The following BTBD3 variants were observed in gnomAD, a reference collection of about 807,000 sequenced individuals.
BTBD3 encodes the protein BTB domain containing 3, also known as BTB/POZ domain-containing protein 3.
Under a neutral mutation model 41.6 loss-of-function variants are expected in BTBD3, and 14 were observed. That is an observed-to-expected ratio of 0.34 (90% CI 0.22 to 0.53). The LOEUF is 0.53. Among genes scored for constraint, BTBD3 ranks in the 20% least tolerant of loss-of-function variants. BTBD3 has a pLI of 0.95. For missense variants in BTBD3, 426 were observed against 654.7 expected (o/e 0.65, Z 3.81); for synonymous variants, 249 against 233.7 (o/e 1.07, Z -0.60).
Position 11,923,662 on chromosome 20 carries a change from C to T in BTBD3, c.1565C>T (p.Ala522Val). 1 of 1,586,814 alleles carries T rather than the reference C, an allele frequency of 6.3e-7. No homozygotes were observed. Among genetic ancestry groups the T allele is most frequent in the African/African-American group, 1.3e-5 (1 of 74,546 alleles). Reference protein sequence around the residue: ...GGQIPELIFYA With the variant: ...GGQIPELIFYV ...CAGATCCCTGAACTTATATTCTATGCTTGAAAACTCACTTCCTGAAGCAGC... is the reference window on the plus strand; with the variant it reads ...CAGATCCCTGAACTTATATTCTATGTTTGAAAACTCACTTCCTGAAGCAGC... The change falls in exon 4 of 4, where the codon GCT becomes GTT. Residue 522 changes from alanine (A) to valine (V), a missense_variant. Ala to Val is a moderately conservative substitution (Grantham distance 64). Transcript: ENST00000378226. This position sits in a 1 kb window ranked among gnomAD's most constrained non-coding sequence, Gnocchi z 5.3.
Position 11,923,956 on chromosome 20 carries a change from C to G in BTBD3, c.*290C>G, listed in dbSNP as rs1370262587. 3 of 295,736 alleles carry G rather than the reference C, an allele frequency of 1.0e-5. No homozygotes were observed. Among genetic ancestry groups the G allele is most frequent in the Non-Finnish European group, 1.9e-5 (3 of 160,040 alleles). The allele number at this position is 295,736 out of a possible 1,614,324, so 18.3% of individuals were successfully genotyped here. A position where few individuals can be genotyped will look rare whatever the true frequency, so the allele number is the denominator to read the frequency against. On this transcript the variant is annotated 3_prime_UTR_variant, in exon 4 of 4. Transcript: ENST00000378226. This position sits in a 1 kb window ranked among gnomAD's most constrained non-coding sequence, Gnocchi z 5.3. ...TGTGCTTTCCCAAGCGTTCCACCACCCTCTCAGTTTTGTCCCTCTGAAGAT... is the reference window on the plus strand; with the variant it reads ...TGTGCTTTCCCAAGCGTTCCACCACGCTCTCAGTTTTGTCCCTCTGAAGAT...
At chr20:11,922,142 A>G (rs1425509913) in intron 3 of BTBD3, among the ~76,000 whole-genome samples, 1 of 152,228 alleles carries the variant, frequency 6.6e-6, no homozygotes, top group Non-Finnish European at 1.5e-5. Context: ...CATACTTTTG[A>G]TAATCCATTG....
chr20:11,916,407 A>T (rs1321593052), upstream of BTBD3, among the ~76,000 whole-genome samples: 1 of 152,164 alleles, frequency 6.6e-6, no homozygotes, highest in Non-Finnish European at 1.5e-5. Flanking sequence ...GATGATTTGG[A>T]GGTATCTGTA....
chr20:11,923,321 T>C lies in BTBD3; in HGVS notation c.1224T>C (p.Ala408=). ...CAGTTGATAAAAGAGTGTTCATTGCTGGCTTTGGGCTGTATGGCTCCAGCT... is the reference window on the plus strand; with the variant it reads ...CAGTTGATAAAAGAGTGTTCATTGCCGGCTTTGGGCTGTATGGCTCCAGCT... ...QFAVDKRVFI[A]GFGLYGSSCG... Residue 408 remains alanine, a synonymous_variant, in exon 4 of 4, where the codon GCT becomes GCC. Coordinates refer to ENST00000378226, the MANE Select transcript of BTBD3 (RefSeq NM_014962.4). The surrounding 1 kb of genome is among the most constrained non-coding windows in gnomAD (Gnocchi z 5.3). 6.2e-7 allele frequency: 1 copy of C among 1,614,236 alleles called. No homozygotes were observed. The highest frequency in any genetic ancestry group is 8.5e-7 in the Non-Finnish European group (1 of 1,180,042).
chr20:11,896,150 A>C (rs893157906), intron 1 of BTBD3, among the ~76,000 whole-genome samples: 1 of 152,178 alleles, frequency 6.6e-6, no homozygotes, highest in Non-Finnish European at 1.5e-5. Flanking sequence ...ATCTGTAATC[A>C]GTGTTTCTTT....
chr20:11,912,659 C>T (rs2056896376), intron 1 of BTBD3, among the ~76,000 whole-genome samples: 1 of 152,184 alleles, frequency 6.6e-6, no homozygotes, highest in African/African-American at 2.4e-5. Context: ...GGCACAATTG[C>T]TGCTAATGGT....
At chr20:11,891,091 A>T in intron 1 of BTBD3, 1 of 600,930 alleles carries the variant, frequency 1.7e-6, no homozygotes, top group Non-Finnish European at 2.1e-6. Context: ...TGGTGGCCGC[A>T]GGTCGGCCTC....
chr20:11,918,567 A>G lies in BTBD3; in HGVS notation c.292A>G (p.Asn98Asp), dbSNP rs1274882059. 4.3e-6 allele frequency: 7 copies of G among 1,612,260 alleles called. No individual in the cohort carries two copies. Among genetic ancestry groups the G allele is most frequent in the Non-Finnish European group, 5.9e-6 (7 of 1,179,358 alleles). ...LSNNNLIPAPNWQGLYPTIRE... is the reference protein window; with the variant it reads ...LSNNNLIPAPDWQGLYPTIRE... ...TAACAACAACCTTATCCCGGCCCCA[A>G]ACTGGCAGGGTCTTTATCCCACCAT... Residue 98 changes from asparagine (N) to aspartate (D), a missense_variant, in exon 1 of 4, where the codon AAC (asparagine) becomes GAC (aspartate). Physicochemically the swap from Asn to Asp is conservative, Grantham distance 23. Coordinates refer to ENST00000378226, the MANE Select transcript of BTBD3 (RefSeq NM_014962.4).
At chr20:11,919,435 C>T (rs933762791) in intron 2 of BTBD3, 12 of 1,406,876 alleles carry the variant, frequency 8.5e-6, no homozygotes, top group South Asian at 8.4e-5. Flanking sequence ...TCAGGAAAGT[C>T]GTATGTTTAC....
chr20:11,919,691 T>C, intron 2 of BTBD3, 27 bp from the exon 3 acceptor site: 1 of 1,598,768 alleles, frequency 6.3e-7, no homozygotes, highest in Non-Finnish European at 8.6e-7. Flanking sequence ...ATTTAGTGTA[T>C]GAAATAAGAT....
Position 11,906,001 on chromosome 20 carries a change from C to T in BTBD3, c.-125-12333C>T, listed in dbSNP as rs144351633. Reference sequence around the variant, plus strand: ...ATGGAATGAATTTACCTCACCCTGCCTTCTAAGAAATATACTTTTATGGCC... The same window carrying T: ...ATGGAATGAATTTACCTCACCCTGCTTTCTAAGAAATATACTTTTATGGCC... On this transcript the variant is annotated intron_variant, in intron 1 of 4. Transcript: ENST00000254977. Among the ~76,000 whole-genome samples, 1,196 of 152,202 alleles carry T rather than the reference C, an allele frequency of 7.9e-3. 12 individuals are homozygous for T. Among genetic ancestry groups the T allele is most frequent in the African/African-American group, 0.027 (1,130 of 41,530 alleles).
intron 3 of BTBD3, among the ~76,000 whole-genome samples, chr20:11,920,819 A>G (rs1250874716): frequency 6.6e-6 from 1 of 152,224 alleles, no homozygotes; most frequent in African/African-American, 2.4e-5. Context: ...ACTCCTACAT[A>G]TAGTTAAAAT....
chr20:11,898,929 T>C (rs1257586720), intron 1 of BTBD3, among the ~76,000 whole-genome samples: 1 of 152,228 alleles, frequency 6.6e-6, no homozygotes, highest in Non-Finnish European at 1.5e-5. Flanking sequence ...ATGTGAATTG[T>C]ATTCTAGAAT....
Position 11,918,374 on chromosome 20 carries a change from A to G in BTBD3, c.99A>G (p.Ala33=), listed in dbSNP as rs762072479. 9.9e-6 allele frequency: 16 copies of G among 1,614,094 alleles called. No homozygotes were observed. The African/African-American group carries it at 1.9e-4, about 19-fold the overall frequency. ...KNRSKKSSKK[A]NTSSSSSNSS... ...GGTCCAAGAAAAGCTCAAAGAAAGC[A>G]AATACCAGCAGCAGCAGTAGCAACA... Residue 33 remains alanine (A), a synonymous_variant, in exon 1 of 4, where the codon GCA becomes GCG. Transcript: ENST00000378226.
In BTBD3 at chr20:11,923,026, G is replaced by A. The variant is rs919178857; in HGVS notation, c.929G>A (p.Arg310His). Residue 310 changes from arginine to histidine, a missense_variant, in exon 4 of 4, where the codon CGC (arginine) becomes CAC (histidine). Arg to His is a conservative substitution (Grantham distance 29, BLOSUM62 0). Coordinates refer to ENST00000378226, the MANE Select transcript of BTBD3 (RefSeq NM_014962.4). The surrounding 1 kb of genome is among the most constrained non-coding windows in gnomAD (Gnocchi z 5.3). ...CTGGCGTTGAGCATTGAAAATAAAC[G>A]CAAGGTTCTAGGAAAGGCACTTTAC... Reference protein sequence around the residue: ...QDLALSIENKRKVLGKALYLI... With the variant: ...QDLALSIENKHKVLGKALYLI... The A allele has an allele frequency of 1.2e-6, 2 of 1,614,000 alleles. No homozygotes were observed. The highest frequency in any genetic ancestry group is 2.7e-5 in the African/African-American group (2 of 74,924).
chr20:11,899,679 T>C (rs1203313317), intron 1 of BTBD3, among the ~76,000 whole-genome samples: 1 of 152,178 alleles, frequency 6.6e-6, no homozygotes, highest in African/African-American at 2.4e-5. Flanking sequence ...TTTAAAGTTT[T>C]GCTTATTGTG....
At chr20:11,906,804 C>G (rs975883182) in intron 1 of BTBD3, among the ~76,000 whole-genome samples, 4 of 152,104 alleles carry the variant, frequency 2.6e-5, no homozygotes, top group African/African-American at 9.7e-5. Context: ...TCCTACTGCC[C>G]TATACACACA....
chr20:11,910,324 T>G (rs944997299), intron 1 of BTBD3: 3 of 152,234 alleles, frequency 2.0e-5, no homozygotes, highest in African/African-American at 7.2e-5. Context: ...TCTTCTTCTG[T>G]TATTTAAAGC....
At chr20:11,919,995 G>A (rs529007288) in intron 3 of BTBD3, among the ~76,000 whole-genome samples, 159 bp downstream of exon 3, 7 of 152,290 alleles carry the variant, frequency 4.6e-5, no homozygotes, top group Non-Finnish European at 7.4e-5. Flanking sequence ...GAACACTTTA[G>A]CTTTCCGTGG....
Sources: gnomAD v4.1 joint callset for allele counts (sites outside exome capture counted in the v4.1 genomes callset) on GRCh38, gnomAD v4.1.1 for gene constraint, Gnocchi (gnomAD v3.1) non-coding constraint, MANE v1.5 for transcripts, NCBI Gene and HGNC (gene_info 2026-07-23, HGNC 2026-07-21) for gene names.